The following DARS1 variants were observed in gnomAD, a reference collection of about 807,000 sequenced individuals.
DARS1 encodes the protein aspartate--tRNA ligase, cytoplasmic.
In DARS1, 51 loss-of-function variants were observed where a neutral mutation model predicts 68.8. The observed-to-expected ratio is 0.74, with a 90% CI of 0.59 to 0.94. The LOEUF (loss-of-function observed/expected upper bound fraction) is 0.94. Among genes scored for constraint, DARS1 ranks in the 40% least tolerant of loss-of-function variants. DARS1 has a pLI of 0.00. For synonymous variants in DARS1, 203 were observed against 190.4 expected (o/e 1.07, Z -0.55); for missense variants, 607 against 597.3 (o/e 1.02, Z -0.17).
chr2:135,949,575 C>A (rs1219527298), intron 4 of DARS1, among the ~76,000 whole-genome samples: 2 of 152,122 alleles, frequency 1.3e-5, no homozygotes, highest in Non-Finnish European at 2.9e-5. Flanking sequence ...AAACCTCAAA[C>A]CATTTCAGAT....
At chr2:135,936,969 A>G (rs1681484927) in intron 5 of DARS1, among the ~76,000 whole-genome samples, 1 of 152,026 alleles carries the variant, frequency 6.6e-6, no homozygotes, top group Non-Finnish European at 1.5e-5. Flanking sequence ...CTTAAAGACT[A>G]CTCCTTAAGA....
intron 4 of DARS1, among the ~76,000 whole-genome samples, chr2:135,956,840 T>G (rs1306283455): frequency 6.6e-6 from 1 of 151,432 alleles, no homozygotes; most frequent in Non-Finnish European, 1.5e-5. Flanking sequence ...CTCGGCTCAC[T>G]GCAACCTCCA....
chr2:135,944,046 C>A (rs1305669494), intron 4 of DARS1, among the ~76,000 whole-genome samples: 1 of 152,014 alleles, frequency 6.6e-6, no homozygotes, highest in East Asian at 1.9e-4. Context: ...TAAAAGGGTG[C>A]CTATATGAAG....
chr2:135,942,769 T>C (rs1553445724), intron 5 of DARS1, among the ~76,000 whole-genome samples: 1 of 152,220 alleles, frequency 6.6e-6, no homozygotes, highest in Non-Finnish European at 1.5e-5. Flanking sequence ...GAGTAGTTTT[T>C]CAGATGTGTT....
chr2:135,946,301 A>G (rs886369513), intron 4 of DARS1, among the ~76,000 whole-genome samples: 2 of 152,144 alleles, frequency 1.3e-5, no homozygotes, highest in Non-Finnish European at 2.9e-5. Context: ...GGGAGGAGAG[A>G]GGAGAATGAG....
chr2:135,922,253 TAGAC>T (rs1374600598), intron 9 of DARS1, among the ~76,000 whole-genome samples: 1 of 152,058 alleles, frequency 6.6e-6, no homozygotes, highest in Non-Finnish European at 1.5e-5. Context: ...GATAGCAAAT[TAGAC>T]AGAGGTACAC....
At chr2:135,912,220 A>G (rs1476857159) in intron 13 of DARS1, among the ~76,000 whole-genome samples, 2 of 152,212 alleles carry the variant, frequency 1.3e-5, no homozygotes, top group East Asian at 3.8e-4. Flanking sequence ...ACTATTTATA[A>G]TTTACATAGT....
At chr2:135,940,834 A>G (rs1409105208) in intron 5 of DARS1, among the ~76,000 whole-genome samples, 4 of 152,188 alleles carry the variant, frequency 2.6e-5, no homozygotes, top group East Asian at 3.8e-4. Flanking sequence ...AAATCAATGT[A>G]CAAAAATCAC....
Position 135,906,365 on chromosome 2 carries a change from T to C in DARS1, c.*951A>G, listed in dbSNP as rs1218426448. On this transcript the variant is annotated 3_prime_UTR_variant, in exon 16 of 16. Transcript: ENST00000264161. ...TCTAACTAATTCTTACACAAAAATT[T>C]CTTTTTGACGGATAAGATGGGACTG... Among the ~76,000 whole-genome samples the C allele has an allele frequency of 6.6e-6, 1 of 152,222 alleles. No homozygotes were observed. Among genetic ancestry groups the C allele is most frequent in the Non-Finnish European group, 1.5e-5 (1 of 68,042 alleles).
In DARS1 at chr2:135,945,206, C is replaced by T. The variant is rs536411480; in HGVS notation, c.321-1726G>A. Among the ~76,000 whole-genome samples the T allele has an allele frequency of 2.0e-5, 3 of 152,164 alleles. No individual in the cohort carries two copies. In the South Asian group the frequency reaches 6.2e-4, roughly 32 times the overall value. Reference sequence around the variant, plus strand: ...GCAGTGGCTCCATCTTGACTCATTGCAACCTCCGCCTCCCGGGTTCAAGTG... The same window carrying T: ...GCAGTGGCTCCATCTTGACTCATTGTAACCTCCGCCTCCCGGGTTCAAGTG... On this transcript the variant is annotated intron_variant, in intron 4 of 15. Transcript: ENST00000264161.
At chr2:135,936,066 T>C (rs1383555451) in intron 5 of DARS1, among the ~76,000 whole-genome samples, 2 of 152,152 alleles carry the variant, frequency 1.3e-5, no homozygotes, top group Non-Finnish European at 2.9e-5. Flanking sequence ...GAATTCATCA[T>C]CCTCTTTACT....
At chr2:135,942,521 G>A (rs936943816) in intron 5 of DARS1, among the ~76,000 whole-genome samples, 1 of 106,612 alleles carries the variant, frequency 9.4e-6, no homozygotes, top group African/African-American at 3.6e-5. Flanking sequence ...GGGGGAGGGG[G>A]GAGGGACAGC....
chr2:135,971,967 G>C, intron 3 of DARS1, among the ~76,000 whole-genome samples: 1 of 152,170 alleles, frequency 6.6e-6, no homozygotes, highest in East Asian at 1.9e-4. Flanking sequence ...GATATTCCAT[G>C]TTCATGGATG....
intron 3 of DARS1, chr2:135,978,904 T>C (rs980828897): frequency 1.9e-5 from 3 of 161,630 alleles, no homozygotes; most frequent in Admixed American, 1.3e-4. Flanking sequence ...TATAAAAATA[T>C]TAACAAACGG....
chr2:135,955,939 G>T lies in DARS1; in HGVS notation c.320+5457C>A, dbSNP rs147676569. 4.7e-3 allele frequency among the ~76,000 whole-genome samples: 713 copies of T among 152,076 alleles called. 4 individuals carry two copies. Among genetic ancestry groups the T allele is most frequent in the Admixed American group, 0.012 (180 of 15,280 alleles). On this transcript the variant is annotated intron_variant, in intron 4 of 15. Transcript: ENST00000264161. The stretch of plus-strand genomic sequence containing the variant: ...TTCCCAAAGTGCTGGGATTATAAGT[G>T]TGAGCCACCACGCCCAGCCATATGT...
At chr2:135,939,526 T>C (rs1382836649) in intron 5 of DARS1, among the ~76,000 whole-genome samples, 1 of 152,140 alleles carries the variant, frequency 6.6e-6, no homozygotes, top group Non-Finnish European at 1.5e-5. Flanking sequence ...AGAGGGAAAT[T>C]TATAGCACTA....
At chr2:135,979,395 A>G in intron 2 of DARS1, 29 bp from the exon 3 acceptor site, 1 of 890,346 alleles carries the variant, frequency 1.1e-6, no homozygotes, top group South Asian at 1.4e-5. Flanking sequence ...ATTTTTATAT[A>G]GTAAAATAAT....
intron 4 of DARS1, among the ~76,000 whole-genome samples, chr2:135,948,666 A>G (rs1463338641): frequency 6.6e-6 from 1 of 152,112 alleles, no homozygotes; most frequent in Non-Finnish European, 1.5e-5. Context: ...GGAGTTTGAG[A>G]GCAGCCTGGC....
intron 4 of DARS1, among the ~76,000 whole-genome samples, chr2:135,947,740 G>C (rs533249891): frequency 6.6e-6 from 1 of 150,714 alleles, no homozygotes; most frequent in Admixed American, 6.6e-5. Context: ...AAATATCTCA[G>C]AATGCATCAT....
Sources: gnomAD v4.1 joint callset for allele counts (sites outside exome capture counted in the v4.1 genomes callset) on GRCh38, gnomAD v4.1.1 for gene constraint, MANE v1.5 for transcripts, NCBI Gene and HGNC (gene_info 2026-07-23, HGNC 2026-07-21) for gene names.